Variants in XYLT1 observed in about 807,000 individuals in gnomAD.
The protein encoded by XYLT1 is xylosyltransferase 1.
Under a neutral mutation model 91.3 loss-of-function variants are expected in XYLT1, and 36 were observed. That is an observed-to-expected ratio of 0.39 (90% CI 0.30 to 0.52). The LOEUF (loss-of-function observed/expected upper bound fraction) is 0.52, where lower values mean the gene tolerates loss of function less well. XYLT1 is among the 20% of genes least tolerant of loss of function. The probability of loss-of-function intolerance (pLI) is 0.68; values close to 1 mark genes in which losing one functional copy is unlikely to be tolerated. For synonymous variants in XYLT1, 588 were observed against 532.0 expected, an observed-to-expected ratio of 1.11 and a Z score of -1.45; for missense variants, 1,242 against 1,284.5, an observed-to-expected ratio of 0.97 and a Z score of 0.51.
chr16:17,285,874 C>CTCTG (rs1555494317), intron 2 of XYLT1, among the ~76,000 whole-genome samples: 2 of 145,262 alleles, frequency 1.4e-5, no homozygotes, highest in East Asian at 2.2e-4. Context: ...TGGTGTATCT[C>CTCTG]TGTGTGTGTG....
At chr16:17,301,630 T>C (rs926277670) in intron 2 of XYLT1, among the ~76,000 whole-genome samples, 1 of 152,128 alleles carries the variant, frequency 6.6e-6, no homozygotes, top group Non-Finnish European at 1.5e-5. Flanking sequence ...TGGGGTGACA[T>C]TTACCTTGCA....
intron 3 of XYLT1, among the ~76,000 whole-genome samples, chr16:17,221,396 T>G (rs1171270560): frequency 6.6e-6 from 1 of 152,170 alleles, no homozygotes; most frequent in East Asian, 1.9e-4. Context: ...ATTTTTCCAG[T>G]TCATCGTCTC....
chr16:17,432,685 A>G (rs1428046987), intron 1 of XYLT1, among the ~76,000 whole-genome samples: 1 of 152,142 alleles, frequency 6.6e-6, no homozygotes, highest in East Asian at 1.9e-4. Context: ...ATCTCAATAA[A>G]GTTGTTTAAA....
chr16:17,435,817 G>A (rs929043275), intron 1 of XYLT1, among the ~76,000 whole-genome samples: 2 of 152,178 alleles, frequency 1.3e-5, no homozygotes, highest in African/African-American at 4.8e-5. Context: ...TGGGGTAGAT[G>A]TTGTGCAGTT....
intron 1 of XYLT1, among the ~76,000 whole-genome samples, chr16:17,375,481 AACAC>A (rs71137985): frequency 2.7e-5 from 4 of 147,430 alleles, no homozygotes; most frequent in African/African-American, 5.1e-5. Flanking sequence ...TAACATTTAA[AACAC>A]ACACACACAC....
At chr16:17,208,243 A>G (rs1163492087) in intron 3 of XYLT1, among the ~76,000 whole-genome samples, 1 of 133,110 alleles carries the variant, frequency 7.5e-6, no homozygotes, top group East Asian at 2.3e-4. Flanking sequence ...TTAGCCTCCC[A>G]AAGTGCTGGT....
chr16:17,399,203 A>C (rs556583475), intron 1 of XYLT1, among the ~76,000 whole-genome samples: 1 of 152,294 alleles, frequency 6.6e-6, no homozygotes, highest in East Asian at 1.9e-4. Context: ...AATTCAACCC[A>C]TAACAGATGA....
At chr16:17,331,211 A>G (rs1379954651) in intron 2 of XYLT1, among the ~76,000 whole-genome samples, 1 of 152,252 alleles carries the variant, frequency 6.6e-6, no homozygotes, top group Non-Finnish European at 1.5e-5. Context: ...AAGCTACAGC[A>G]CACAAGGCCT....
chr16:17,454,535 G>A (rs1264091824), intron 1 of XYLT1, among the ~76,000 whole-genome samples: 4 of 145,780 alleles, frequency 2.7e-5, no homozygotes, highest in South Asian at 2.1e-4. Context: ...ATTTATGATC[G>A]CAATTTTTTT....
At chr16:17,450,758 C>T (rs538568648) in intron 1 of XYLT1, among the ~76,000 whole-genome samples, 5 of 152,150 alleles carry the variant, frequency 3.3e-5, no homozygotes, top group Non-Finnish European at 7.3e-5. Flanking sequence ...TCCAGCACAG[C>T]ACAGCCCGCC....
intron 3 of XYLT1, among the ~76,000 whole-genome samples, chr16:17,201,751 C>T (rs2141590678): frequency 6.6e-6 from 1 of 152,290 alleles, no homozygotes; most frequent in Admixed American, 6.5e-5. Context: ...GCTGGGATTA[C>T]AGACGTGAGC....
At chr16:17,197,951 C>T (rs969878669) in intron 5 of XYLT1, 10 of 537,070 alleles carry the variant, frequency 1.9e-5, no homozygotes, top group Non-Finnish European at 2.3e-5. Context: ...TAAAGCTCCA[C>T]GCGGGTTGGA....
At chr16:17,239,452 TCATC>T (rs540533647) in intron 3 of XYLT1, among the ~76,000 whole-genome samples, 114 of 137,244 alleles carry the variant, frequency 8.3e-4, no homozygotes, top group Non-Finnish European at 1.4e-3. Flanking sequence ...TCCAGTCCAT[TCATC>T]CATCCATCCA....
intron 8 of XYLT1, among the ~76,000 whole-genome samples, chr16:17,136,587 T>TATCA (rs1597144122): frequency 6.6e-6 from 1 of 152,144 alleles, no homozygotes; most frequent in African/African-American, 2.4e-5. Context: ...CTTTGATTAT[T>TATCA]ATCACCAGCC....
At chr16:17,243,623 C>T (rs79632373) in intron 3 of XYLT1, among the ~76,000 whole-genome samples, 1 of 152,166 alleles carries the variant, frequency 6.6e-6, no homozygotes, top group Non-Finnish European at 1.5e-5. Context: ...GGGAGGGGCA[C>T]AGCTAAAATT....
rs981489748 is a variant in XYLT1 at position 17,327,839 on chromosome 16, C to T, written c.402+30173G>A. Among the ~76,000 whole-genome samples, 4 of 152,220 alleles carry T rather than the reference C, an allele frequency of 2.6e-5. No homozygotes were observed. In the East Asian group the frequency reaches 7.7e-4, roughly 29 times the overall value. On this transcript the variant is annotated intron_variant, in intron 2 of 11. Transcript: ENST00000261381. ...ACTCAGTCAACCTTTTCTGTGCTAA[C>T]ATCTGTGATCAAGATTAAAGTAACT...
At chr16:17,337,937 C>T (rs996720396) in intron 2 of XYLT1, among the ~76,000 whole-genome samples, 8 of 151,942 alleles carry the variant, frequency 5.3e-5, no homozygotes, top group Non-Finnish European at 7.4e-5. Flanking sequence ...CCACCACGTC[C>T]GGCTAATTTT....
Position 17,103,562 on chromosome 16 carries a change from T to C in XYLT1, c.*5133A>G, listed in dbSNP as rs1443555320. On this transcript the variant is annotated 3_prime_UTR_variant, in exon 12 of 12. Coordinates refer to ENST00000261381, the MANE Select transcript of XYLT1 (RefSeq NM_022166.4). Reference sequence around the variant, plus strand: ...TGGATGGTCAGCTTCCCAAAAATAATGTTAAGGCCACATTTCAAAAAGGAG... The same window carrying C: ...TGGATGGTCAGCTTCCCAAAAATAACGTTAAGGCCACATTTCAAAAAGGAG... 2 of 152,112 alleles carry C rather than the reference T, an allele frequency of 1.3e-5. No individual in the cohort carries two copies. The highest frequency in any genetic ancestry group is 6.5e-5 in the Admixed American group (1 of 15,276). 9.4% of individuals were successfully genotyped at this position (152,112 alleles called of 1,614,324 possible).
At chr16:17,382,814 T>C (rs2035698444) in intron 1 of XYLT1, among the ~76,000 whole-genome samples, 1 of 151,896 alleles carries the variant, frequency 6.6e-6, no homozygotes, top group Admixed American at 6.6e-5. Flanking sequence ...CAAGACACTT[T>C]AGTGCATTAC....
Sources: allele counts gnomAD v4.1 joint callset (sites outside exome capture counted in the v4.1 genomes callset), GRCh38; gene constraint gnomAD v4.1.1; transcripts MANE v1.5; gene names NCBI Gene and HGNC (gene_info 2026-07-23, HGNC 2026-07-21).